Variants in WDR44 observed in about 807,000 individuals in gnomAD.
WDR44 encodes WD repeat-containing protein 44.
A neutral mutation model predicts 65.7 loss-of-function variants in WDR44; 9 were observed. The observed-to-expected ratio is 0.14, with a 90% CI of 0.08 to 0.24. The LOEUF (loss-of-function observed/expected upper bound fraction) is 0.24, where lower values mean the gene tolerates loss of function less well. Among genes scored for constraint, WDR44 ranks in the 10% least tolerant of loss-of-function variants. The pLI is 1.00. For missense variants in WDR44, 425 were observed against 670.9 expected, an observed-to-expected ratio of 0.63 and a Z score of 4.05; for synonymous variants, 220 against 235.2, an observed-to-expected ratio of 0.94 and a Z score of 0.59.
At chrX:118,445,164 G>A (rs751214467) in intron 19 of WDR44, 38 of 233,337 alleles carry the variant, frequency 1.6e-4, no homozygotes, top group South Asian at 6.0e-4. Context: ...GCATGGTGGC[G>A]GGTGCCTGTA....
chrX:118,408,250 A>G (rs1336112293), intron 10 of WDR44, among the ~76,000 whole-genome samples: 1 of 111,147 alleles, frequency 9.0e-6, no homozygotes, highest in Non-Finnish European at 1.9e-5. Context: ...TAAGAGGTTC[A>G]TGTTCTTTCT....
intron 1 of WDR44, among the ~76,000 whole-genome samples, chrX:118,359,655 T>C (rs2056494549): frequency 1.8e-5 from 2 of 112,274 alleles, no homozygotes; most frequent in African/African-American, 3.2e-5. Flanking sequence ...TTTACAAATA[T>C]TGCCACAAAA....
At chrX:118,362,281 T>C (rs1243690956) in intron 1 of WDR44, among the ~76,000 whole-genome samples, 1 of 112,380 alleles carries the variant, frequency 8.9e-6, no homozygotes, top group Non-Finnish European at 1.9e-5. Flanking sequence ...GTATATGTAA[T>C]AACTGAATCC....
intron 1 of WDR44, among the ~76,000 whole-genome samples, chrX:118,347,085 G>T (rs1254181159): frequency 4.5e-5 from 5 of 111,880 alleles, no homozygotes; most frequent in African/African-American, 6.5e-5. Flanking sequence ...TGCACACAGC[G>T]AAAAGGAGCG....
At chrX:118,413,620 C>T (rs1315076000) in intron 12 of WDR44, among the ~76,000 whole-genome samples, 1 of 111,925 alleles carries the variant, frequency 8.9e-6, no homozygotes, top group East Asian at 2.8e-4. Context: ...TGAAGATTTT[C>T]TCCCACTCTG....
intron 12 of WDR44, among the ~76,000 whole-genome samples, chrX:118,429,029 A>G (rs1763965242): frequency 9.1e-6 from 1 of 110,449 alleles, no homozygotes; most frequent in Non-Finnish European, 1.9e-5. Flanking sequence ...AGGGAGGGGA[A>G]CAACACACAG....
rs1033142432 is a variant in WDR44 at position 118,350,962 on chromosome X, C to T, written c.77+4382C>T. Among the ~76,000 whole-genome samples, 3 of 111,608 alleles carry T rather than the reference C, an allele frequency of 2.7e-5. No individual in the cohort carries two copies. In the South Asian group the frequency reaches 1.1e-3, roughly 42 times the overall value. Reference sequence around the variant, plus strand: ...CTAGAGCCCAGGTCTCTTGATTCCTCACTTATACCATGCTACCATGTCTGC... The same window carrying T: ...CTAGAGCCCAGGTCTCTTGATTCCTTACTTATACCATGCTACCATGTCTGC... On this transcript the variant is annotated intron_variant, in intron 1 of 19. Transcript: ENST00000254029.
rs780475202 is a variant in WDR44 at position 118,373,268 on chromosome X, C to T, written c.78-5151C>T. On this transcript the variant is annotated intron_variant, in intron 1 of 19. Transcript: ENST00000254029. ...ATTAAAATATAATGTAGTATTTGAG[C>T]GTGATAATTAAGAAGGACAATTGTA... 4.5e-5 allele frequency among the ~76,000 whole-genome samples: 5 copies of T among 110,267 alleles called. No individual in the cohort carries two copies. The South Asian group carries it at 1.9e-3, about 42-fold the overall frequency.
intron 10 of WDR44, among the ~76,000 whole-genome samples, chrX:118,407,983 T>TTACAATC (rs200345413): frequency 0.26 from 29,112 of 111,071 alleles, 3,138 homozygotes; most frequent in African/African-American, 0.39. Context: ...ATTTTGATGT[T>TTACAATC]TACAGATAAA....
intron 12 of WDR44, among the ~76,000 whole-genome samples, chrX:118,425,138 C>A (rs1569379780): frequency 9.0e-6 from 1 of 111,216 alleles, no homozygotes; most frequent in African/African-American, 3.3e-5. Context: ...CAAAAAACAG[C>A]AGCAAGGGCA....
intron 8 of WDR44, among the ~76,000 whole-genome samples, chrX:118,399,397 C>G (rs1338356865): frequency 8.9e-6 from 1 of 111,799 alleles, no homozygotes; most frequent in African/African-American, 3.2e-5. Flanking sequence ...GAATTATCCA[C>G]TTGAGTCCTT....
chrX:118,408,732 T>G (rs1423012918), intron 10 of WDR44, among the ~76,000 whole-genome samples: 2 of 111,914 alleles, frequency 1.8e-5, no homozygotes, highest in Non-Finnish European at 3.8e-5. Context: ...AAGTGCTGGA[T>G]GCTATACGGG....
rs769714890 is a variant in WDR44, at chrX:118,394,180, G to A, written c.952G>A (p.Ala318Thr). 18 of 1,208,074 alleles carry A rather than the reference G, an allele frequency of 1.5e-5. No homozygotes were observed. Among genetic ancestry groups the A allele is most frequent in the Non-Finnish European group, 1.9e-5 (17 of 894,108 alleles). Residue 318 changes from alanine (A) to threonine (T), a missense_variant, in exon 5 of 20, where the codon GCC becomes ACC. This residue lies in a region of WDR44 where 77 missense variants were observed against 183.5 expected (regional missense o/e 0.42). Coordinates refer to ENST00000254029, the MANE Select transcript of WDR44 (RefSeq NM_019045.5). Reference sequence around the variant, plus strand: ...TACCAGTGGAGATAAAATAGTTACCGCCCAGGTTGGTGAATTAGTGTTCTG... The same window carrying A: ...TACCAGTGGAGATAAAATAGTTACCACCCAGGTTGGTGAATTAGTGTTCTG... ...SATSGDKIVT[A>T]QENGKAPDGQ...
chrX:118,432,829 C>T lies in WDR44; in HGVS notation c.1786C>T (p.Arg596Trp), dbSNP rs771913074. ...CCCTGATGATAAAAACGCACCCTTT[C>T]GGCAACGGCCATTTTGCAAATATAA... ...EDPDDKNAPFRQRPFCKYKGH... is the reference protein window; with the variant it reads ...EDPDDKNAPFWQRPFCKYKGH... Residue 596 changes from arginine to tryptophan, a missense_variant, in exon 13 of 20, where the codon CGG becomes TGG. Arg to Trp is a moderately radical substitution (Grantham distance 101, BLOSUM62 -3). Coordinates refer to ENST00000254029, the MANE Select transcript of WDR44 (RefSeq NM_019045.5). 2.5e-6 allele frequency: 3 copies of T among 1,211,659 alleles called. No individual in the cohort carries two copies. The highest frequency in any genetic ancestry group is 3.0e-5 in the East Asian group (1 of 33,862).
intron 12 of WDR44, among the ~76,000 whole-genome samples, chrX:118,424,331 A>T (rs1218870508): frequency 1.2e-5 from 1 of 86,599 alleles, no homozygotes; most frequent in Admixed American, 1.4e-4. Context: ...GTGTATATAT[A>T]TATATATATA....
intron 1 of WDR44, among the ~76,000 whole-genome samples, chrX:118,349,393 T>C (rs1856277007): frequency 9.2e-6 from 1 of 109,230 alleles, no homozygotes; most frequent in Non-Finnish European, 1.9e-5. Context: ...CTAAAGGTTT[T>C]TTTAGAGATG....
intron 1 of WDR44, among the ~76,000 whole-genome samples, chrX:118,368,320 A>G (rs2056571837): frequency 9.1e-6 from 1 of 109,329 alleles, no homozygotes. Flanking sequence ...TAATGACCTT[A>G]TTATGAAATT....
chrX:118,422,706 A>G (rs969128403), intron 12 of WDR44, among the ~76,000 whole-genome samples: 4 of 111,084 alleles, frequency 3.6e-5, no homozygotes, highest in Non-Finnish European at 7.6e-5. Flanking sequence ...AAAAAAAAAG[A>G]AAAATTTCTG....
Position 118,432,765 on chromosome X carries a change from C to A in WDR44, c.1738-16C>A. The A allele has an allele frequency of 8.5e-7, 1 of 1,182,472 alleles. No homozygotes were observed. The highest frequency in any genetic ancestry group is 1.1e-6 in the Non-Finnish European group (1 of 870,841). On this transcript the variant is annotated splice_polypyrimidine_tract_variant and intron_variant, in intron 12 of 19. Coordinates refer to ENST00000254029, the MANE Select transcript of WDR44 (RefSeq NM_019045.5). ...TTTACATTGCAGTTTCAAAGTTTAT[C>A]TTTATATCCAAATAGGTATGCAGTG...
Sources: allele counts gnomAD v4.1 joint callset (sites outside exome capture counted in the v4.1 genomes callset), GRCh38; gene constraint gnomAD v4.1.1; regional missense constraint gnomAD v4.1.1; transcripts MANE v1.5; gene names NCBI Gene and HGNC (gene_info 2026-07-23, HGNC 2026-07-21).